C20orf144: variants seen among roughly 807,000 people sequenced by gnomAD.
C20orf144 encodes the protein uncharacterized protein C20orf144.
C20orf144 carries 8 observed loss-of-function variants against 3.8 expected under a neutral mutation model. The ratio of observed to expected loss-of-function variants is 2.11; its 90% confidence interval spans 1.24 to 3.80. C20orf144 has a LOEUF of 3.80. Among genes scored for constraint, C20orf144 ranks in the 30% most tolerant of loss-of-function variants. The pLI, the probability that C20orf144 is intolerant of heterozygous loss-of-function variation, is 0.00. For synonymous variants in C20orf144, 126 were observed against 104.1 expected (o/e 1.21, Z -1.28); for missense variants, 289 against 224.5 (o/e 1.29, Z -1.83).
rs918334022 is a variant in C20orf144, at chr20:33,663,761, C to G, written c.356C>G (p.Pro119Arg). 1 of 1,454,860 alleles carries G rather than the reference C, an allele frequency of 6.9e-7. No individual in the cohort carries two copies. Among genetic ancestry groups the G allele is most frequent in the African/African-American group, 1.5e-5 (1 of 67,376 alleles). 90.1% of individuals were successfully genotyped at this position (1,454,860 alleles called of 1,614,324 possible). A position where few individuals can be genotyped will look rare whatever the true frequency, so the allele number is the denominator to read the frequency against. Residue 119 changes from proline (P) to arginine (R), a missense_variant, in exon 2 of 2, where the codon CCG becomes CGG. Physicochemically the swap from Pro to Arg is moderately radical, Grantham distance 103. Transcript: ENST00000375222. ...GGGGCCAGGGCAGCTCTGAGCTGGC[C>G]GCGGCTGCTCTCGCGCTTCCGGTCC... is the stretch of plus-strand genomic sequence containing the variant. Reference protein sequence around the residue: ...EGGARAALSWPRLLSRFRSPG... With the variant: ...EGGARAALSWRRLLSRFRSPG...
In C20orf144 at chr20:33,662,388, C is replaced by T. The variant is rs762770370; in HGVS notation, c.43C>T (p.Gln15Ter). ...SSHKRTKAPK[Q>*]ARKERPADMD... ...CCACAAAAGGACCAAAGCACCCAAG[C>T]AGGCCCGCAAGGAGAGGCCGGCTGA... Residue 15 changes from glutamine (Q) to a stop codon, truncating the protein, a stop_gained, in exon 1 of 2, where the codon CAG becomes TAG. Transcript: ENST00000375222. LOFTEE classifies it high-confidence loss of function. 2.9e-5 allele frequency: 45 copies of T among 1,551,406 alleles called. No homozygotes were observed. Among genetic ancestry groups the T allele is most frequent in the Non-Finnish European group, 3.5e-5 (40 of 1,147,048 alleles).
At chr20:33,663,254 A>T in intron 1 of C20orf144, 1 of 517,026 alleles carries the variant, frequency 1.9e-6, no homozygotes, top group Non-Finnish European at 3.4e-6. Context: ...GGGATCTCAT[A>T]AACTTAGACG....
In C20orf144 at chr20:33,663,878, C is replaced by T. The variant is rs1450918731; in HGVS notation, c.*11C>T. The T allele has an allele frequency of 4.3e-6, 6 of 1,384,212 alleles. No individual in the cohort carries two copies. The African/African-American group carries it at 4.6e-5, about 11-fold the overall frequency. The allele number at this position is 1,384,212 out of a possible 1,614,324, so 85.7% of individuals were successfully genotyped here. On this transcript the variant is annotated 3_prime_UTR_variant, in exon 2 of 2. Transcript: ENST00000375222. ...CGCCCGCAGCTTTAAACGCTTGGCC[C>T]GGACCCCGCCCAATAAAGAGTGCGT...
chr20:33,663,625 T>C lies in C20orf144; in HGVS notation c.220T>C (p.Ser74Pro). The change falls in exon 2 of 2, where the codon TCC becomes CCC. Residue 74 changes from serine to proline, a missense_variant. Physicochemically the swap from Ser to Pro is moderately conservative, Grantham distance 74. Coordinates refer to ENST00000375222, the MANE Select transcript of C20orf144 (RefSeq NM_080825.4). ...IDYASGAGLG[S>P]PAAPRLRGAG... Reference sequence around the variant, plus strand: ...CTACGCGTCCGGCGCTGGGCTGGGCTCCCCGGCGGCACCCAGATTGCGCGG... The same window carrying C: ...CTACGCGTCCGGCGCTGGGCTGGGCCCCCCGGCGGCACCCAGATTGCGCGG... The C allele has an allele frequency of 6.2e-7, 1 of 1,608,580 alleles. No homozygotes were observed.
chr20:33,663,234 G>A (rs1026250810), intron 1 of C20orf144: 10 of 472,210 alleles, frequency 2.1e-5, no homozygotes, highest in Non-Finnish European at 3.3e-5. Context: ...CCCTGACATA[G>A]GGCCTGGAAG....
intron 1 of C20orf144, 185 bp downstream of exon 1, chr20:33,662,656 G>A (rs1466514406): frequency 5.8e-6 from 4 of 690,960 alleles, no homozygotes; most frequent in Non-Finnish European, 9.4e-6. Flanking sequence ...GTGTGGATGG[G>A]GGTCCTTTCA....
At chr20:33,662,805 G>C (rs1053470815) in intron 1 of C20orf144, 6 of 273,072 alleles carry the variant, frequency 2.2e-5, no homozygotes, top group Middle Eastern at 1.2e-3. Context: ...GGTTGTGGTG[G>C]TGAATGCCCG....
At chr20:33,662,544 A>G in intron 1 of C20orf144, 73 bp downstream of exon 1, 2 of 1,501,850 alleles carry the variant, frequency 1.3e-6, no homozygotes, top group South Asian at 2.5e-5. Flanking sequence ...AGTGGGTGGG[A>G]AGGGATGCTG....
chr20:33,662,721 C>T (rs1305457058), intron 1 of C20orf144: 2 of 461,206 alleles, frequency 4.3e-6, no homozygotes, highest in African/African-American at 2.0e-5. Context: ...GGGTGGATAA[C>T]TTCAGCCCAG....
At position 33,662,407 on chromosome 20, in the gene C20orf144, C is replaced by G; in HGVS notation, c.62C>G (p.Pro21Arg). 1 of 1,551,594 alleles carries G rather than the reference C, an allele frequency of 6.4e-7. No individual in the cohort carries two copies. Among genetic ancestry groups the G allele is most frequent in the East Asian group, 2.4e-5 (1 of 40,940 alleles). ...KAPKQARKER[P>R]ADMDKAWWKS... ...CCCAAGCAGGCCCGCAAGGAGAGGC[C>G]GGCTGACATGGACAAGGCCTGGTGG... Residue 21 changes from proline (P) to arginine (R), a missense_variant, in exon 1 of 2, where the codon CCG becomes CGG. Pro to Arg is a moderately radical substitution (Grantham distance 103). Coordinates refer to ENST00000375222, the MANE Select transcript of C20orf144 (RefSeq NM_080825.4).
Position 33,663,573 on chromosome 20 carries a change from G to T in C20orf144, c.168G>T (p.Pro56=). Residue 56 remains proline, a synonymous_variant, in exon 2 of 2, where the codon CCG becomes CCT. Coordinates refer to ENST00000375222, the MANE Select transcript of C20orf144 (RefSeq NM_080825.4). ...VLILPLDKRQ[P]LANAGQRIDY... The stretch of plus-strand genomic sequence containing the variant: ...TTCTCCCCCTGGACAAGCGGCAGCC[G>T]CTGGCCAACGCTGGGCAACGGATTG... 1 of 1,611,272 alleles carries T rather than the reference G, an allele frequency of 6.2e-7. No individual in the cohort carries two copies. Among genetic ancestry groups the T allele is most frequent in the Non-Finnish European group, 8.5e-7 (1 of 1,179,636 alleles).
rs143664136 is a variant in C20orf144 at position 33,663,701 on chromosome 20, T to TGCGGCGGCAAGAGGC, written c.305_319dup (p.Gln102_Arg106dup). The TGCGGCGGCAAGAGGC allele has an allele frequency of 1.5e-5, 23 of 1,566,316 alleles. No homozygotes were observed. Among genetic ancestry groups the TGCGGCGGCAAGAGGC allele is most frequent in the Non-Finnish European group, 1.9e-5 (22 of 1,163,360 alleles). On this transcript the variant is annotated inframe_insertion, in exon 2 of 2. Transcript: ENST00000375222. ...CCGAGGATGCCGGTACTGCTGCTGC[T>TGCGGCGGCAAGAGGC]GCGGCGGCAAGAGGCGCGGCGGCCG...
Position 33,663,655 on chromosome 20 carries a change from G to C in C20orf144, c.250G>C (p.Gly84Arg). ...SPAAPRLRGA[G>R]EGSEREPRMP... ...GGCGGCACCCAGATTGCGCGGAGCGGGCGAAGGTAGCGAGCGCGAGCCGAG... is the reference window on the plus strand; with the variant it reads ...GGCGGCACCCAGATTGCGCGGAGCGCGCGAAGGTAGCGAGCGCGAGCCGAG... Residue 84 changes from glycine (G) to arginine (R), a missense_variant, in exon 2 of 2, where the codon GGC (glycine) becomes CGC (arginine). Physicochemically the swap from Gly to Arg is moderately radical, Grantham distance 125 (BLOSUM62 -2). Coordinates refer to ENST00000375222, the MANE Select transcript of C20orf144 (RefSeq NM_080825.4). The C allele has an allele frequency of 1.9e-6, 3 of 1,595,162 alleles. No homozygotes were observed. The highest frequency in any genetic ancestry group is 2.6e-6 in the Non-Finnish European group (3 of 1,175,746).
rs1404195579 is a variant in C20orf144 at position 33,663,604 on chromosome 20, G to T, written c.199G>T (p.Ala67Ser). 2 of 1,610,844 alleles carry T rather than the reference G, an allele frequency of 1.2e-6. No homozygotes were observed. Among genetic ancestry groups the T allele is most frequent in the African/African-American group, 2.7e-5 (2 of 74,868 alleles). Residue 67 changes from alanine to serine, a missense_variant, in exon 2 of 2, where the codon GCG becomes TCG. Transcript: ENST00000375222. ...LANAGQRIDY[A>S]SGAGLGSPAA... The stretch of plus-strand genomic sequence containing the variant: ...CAACGCTGGGCAACGGATTGACTAC[G>T]CGTCCGGCGCTGGGCTGGGCTCCCC...
intron 1 of C20orf144, 85 bp from the exon 2 acceptor site, chr20:33,663,447 G>A: frequency 7.0e-7 from 1 of 1,431,374 alleles, no homozygotes; most frequent in Non-Finnish European, 9.4e-7. Flanking sequence ...GTGGACGAGG[G>A]TCCCAGGAGA....
intron 1 of C20orf144, chr20:33,663,299 A>G: frequency 1.8e-6 from 1 of 563,216 alleles, no homozygotes; most frequent in East Asian, 3.3e-5. Flanking sequence ...GGGATGGATG[A>G]GGGTTTCCAG....
intron 1 of C20orf144, 38 bp from the exon 2 acceptor site, chr20:33,663,494 G>C (rs1020107727): frequency 6.9e-6 from 11 of 1,585,422 alleles, no homozygotes; most frequent in Admixed American, 3.4e-5. Flanking sequence ...CTCGGCCCTA[G>C]CGCGCTCTCC....
chr20:33,663,460 C>T, intron 1 of C20orf144, 72 bp from the exon 2 acceptor site: 1 of 1,491,472 alleles, frequency 6.7e-7, no homozygotes, highest in Non-Finnish European at 9.0e-7. Flanking sequence ...CCAGGAGAAG[C>T]GCGGAGCGGC....
intron 1 of C20orf144, chr20:33,663,225 CCT>C: frequency 2.2e-6 from 1 of 455,170 alleles, no homozygotes; most frequent in Non-Finnish European, 3.9e-6. Flanking sequence ...GCTGAAAGCC[CCT>C]GACATAGGGC....
Sources: allele counts gnomAD v4.1 joint callset, GRCh38; gene constraint gnomAD v4.1.1; transcripts MANE v1.5; gene names NCBI Gene and HGNC (gene_info 2026-07-23, HGNC 2026-07-21).